Variants in TRAPPC9 observed in about 807,000 individuals in gnomAD.
TRAPPC9 encodes IKK2 binding protein.
TRAPPC9 carries 83 observed loss-of-function variants against 124.0 expected under a neutral mutation model. That is an observed-to-expected ratio of 0.67 (90% confidence interval 0.56 to 0.80). The LOEUF is 0.80. Among genes scored for constraint, TRAPPC9 ranks in the 30% least tolerant of loss-of-function variants. TRAPPC9 has a pLI of 0.00. For synonymous variants in TRAPPC9, 638 were observed against 617.5 expected, an observed-to-expected ratio of 1.03 and a Z score of -0.49; for missense variants, 1,302 against 1,508.3, an observed-to-expected ratio of 0.86 and a Z score of 2.27.
At chr8:140,266,923 C>T (rs1288134809) in intron 15 of TRAPPC9, among the ~76,000 whole-genome samples, 2 of 152,142 alleles carry the variant, frequency 1.3e-5, no homozygotes, top group African/African-American at 2.4e-5. Flanking sequence ...GGGACACACT[C>T]ACCCCATAAA....
chr8:140,308,325 C>T (rs911629436), intron 10 of TRAPPC9, among the ~76,000 whole-genome samples: 2 of 149,978 alleles, frequency 1.3e-5, no homozygotes, highest in African/African-American at 4.9e-5. Context: ...CGGTGGGGAG[C>T]AGAGTAGGCT....
intron 17 of TRAPPC9, among the ~76,000 whole-genome samples, chr8:140,081,200 C>CA (rs1350073287): frequency 1.3e-5 from 2 of 152,220 alleles, no homozygotes; most frequent in African/African-American, 4.8e-5. Context: ...CTGCTCCTCA[C>CA]AGTCCACTAC....
At chr8:140,273,648 C>CATCT (rs2065028961) in intron 15 of TRAPPC9, among the ~76,000 whole-genome samples, 1 of 152,152 alleles carries the variant, frequency 6.6e-6, no homozygotes, top group Non-Finnish European at 1.5e-5. Context: ...CTGCTCCAGG[C>CATCT]ATCTGCCCAG....
At chr8:139,995,584 C>T (rs1338204731) in intron 18 of TRAPPC9, among the ~76,000 whole-genome samples, 6 of 152,100 alleles carry the variant, frequency 3.9e-5, no homozygotes, top group Admixed American at 6.5e-5. Flanking sequence ...TCATATCCTG[C>T]CTTTGTAGCA....
At position 140,221,533 on chromosome 8, in the gene TRAPPC9, C is replaced by A; in HGVS notation, c.2482G>T (p.Val828Phe). 6.2e-7 allele frequency: 1 copy of A among 1,614,134 alleles called. No homozygotes were observed. Among genetic ancestry groups the A allele is most frequent in the Non-Finnish European group, 8.5e-7 (1 of 1,180,000 alleles). ...FPLSSPFRQV[V>F]RPRVEGKPVN... ...GGTTTGCCCTCCACTCGGGGCCGAACGACCTGCCGAAAAGGACTGGACAGG... is the reference window on the plus strand; with the variant it reads ...GGTTTGCCCTCCACTCGGGGCCGAAAGACCTGCCGAAAAGGACTGGACAGG... The change falls in exon 17 of 23, where the codon GTT (valine) becomes TTT (phenylalanine). Residue 828 changes from valine (V) to phenylalanine (F), a missense_variant. Physicochemically the swap from Val to Phe is conservative, Grantham distance 50 (BLOSUM62 -1). Transcript: ENST00000438773.
At chr8:140,368,937 T>A (rs1325334079) in intron 8 of TRAPPC9, among the ~76,000 whole-genome samples, 2 of 152,182 alleles carry the variant, frequency 1.3e-5, no homozygotes, top group African/African-American at 4.8e-5. Context: ...CAGCCAGGGA[T>A]TTCGCAAAGT....
At chr8:139,819,882 G>C (rs1035460005) in intron 21 of TRAPPC9, among the ~76,000 whole-genome samples, 2 of 151,672 alleles carry the variant, frequency 1.3e-5, no homozygotes, top group Non-Finnish European at 2.9e-5. Flanking sequence ...GCATGGTGGC[G>C]TGCGCCTATA....
rs185297788 is a variant in TRAPPC9 at position 140,438,889 on chromosome 8, A to G, written c.730+163T>C. 2.5e-3 allele frequency among the ~76,000 whole-genome samples: 375 copies of G among 152,222 alleles called. 4 individuals carry two copies. The highest frequency in any genetic ancestry group is 8.8e-3 in the African/African-American group (364 of 41,540). On this transcript the variant is annotated intron_variant, in intron 3 of 22. Transcript: ENST00000438773. ...GTATTTTTAGTAGAGACGTGGTTTC[A>G]CCATGTTGGCCAGGATGGTCTCAAT...
rs138819153 is a variant in TRAPPC9, at chr8:140,300,595, G to T, written c.1642C>A (p.Leu548Ile). ...TTGTGTGGCCGGAGGCTAGCAGGAAGGTTCAATAGTTTCACATGCCTGTTG... is the reference window on the plus strand; with the variant it reads ...TTGTGTGGCCGGAGGCTAGCAGGAATGTTCAATAGTTTCACATGCCTGTTG... ...PIVRHVKLLN[L>I]PASLRPHKMK... The change falls in exon 11 of 23, where the codon CTT becomes ATT. Residue 548 changes from leucine to isoleucine, a missense_variant. Coordinates refer to ENST00000438773, the MANE Select transcript of TRAPPC9 (RefSeq NM_001160372.4). 14 of 1,614,192 alleles carry T rather than the reference G, an allele frequency of 8.7e-6. No individual in the cohort carries two copies. The highest frequency in any genetic ancestry group is 8.0e-5 in the African/African-American group (6 of 75,046).
At chr8:139,870,470 G>A (rs1180745825) in intron 21 of TRAPPC9, among the ~76,000 whole-genome samples, 1 of 152,106 alleles carries the variant, frequency 6.6e-6, no homozygotes, top group Non-Finnish European at 1.5e-5. Flanking sequence ...TATTTCACGA[G>A]GATATTTGTT....
chr8:140,238,187 T>C (rs2063767986), intron 16 of TRAPPC9, among the ~76,000 whole-genome samples: 1 of 152,230 alleles, frequency 6.6e-6, no homozygotes, highest in Non-Finnish European at 1.5e-5. Flanking sequence ...CTGCCTGCAA[T>C]GGGGATCACC....
At chr8:140,415,496 A>C (rs2069888756) in intron 5 of TRAPPC9, among the ~76,000 whole-genome samples, 1 of 150,540 alleles carries the variant, frequency 6.6e-6, no homozygotes, top group African/African-American at 2.4e-5. Context: ...TGGAGGTTGC[A>C]AGTGAGCCGA....
rs116117210 is a variant in TRAPPC9 at position 140,138,689 on chromosome 8, C to T, written c.2556+82770G>A. 7.9e-4 allele frequency among the ~76,000 whole-genome samples: 120 copies of T among 152,290 alleles called. 2 individuals are homozygous for T. Among genetic ancestry groups the T allele is most frequent in the African/African-American group, 2.8e-3 (116 of 41,558 alleles). ...GTAAGCGCATTCTGCCTTGTCCACTCGCAGTATAAACCAGCAGAGATACAC... is the reference window on the plus strand; with the variant it reads ...GTAAGCGCATTCTGCCTTGTCCACTTGCAGTATAAACCAGCAGAGATACAC... On this transcript the variant is annotated intron_variant, in intron 17 of 22. Coordinates refer to ENST00000438773, the MANE Select transcript of TRAPPC9 (RefSeq NM_001160372.4).
chr8:139,836,829 C>T (rs1421820663), intron 21 of TRAPPC9, among the ~76,000 whole-genome samples: 3 of 152,098 alleles, frequency 2.0e-5, no homozygotes, highest in African/African-American at 4.8e-5. Context: ...TATAAACCCT[C>T]GATGTTTGCC....
At chr8:139,999,277 T>A (rs573841877) in intron 18 of TRAPPC9, among the ~76,000 whole-genome samples, 1 of 151,858 alleles carries the variant, frequency 6.6e-6, no homozygotes, top group East Asian at 1.9e-4. Flanking sequence ...AGTAAAAGAA[T>A]CATGCCAAGA....
At chr8:140,100,235 A>C (rs2060551757) in intron 17 of TRAPPC9, 1 of 151,030 alleles carries the variant, frequency 6.6e-6, no homozygotes, top group African/African-American at 2.4e-5. Flanking sequence ...AGTCCTCCGC[A>C]GCCTTCCGCA....
At chr8:139,867,427 CTGATGAAGAATCGGATATCCA>C (rs1828617505) in intron 21 of TRAPPC9, among the ~76,000 whole-genome samples, 2 of 152,298 alleles carry the variant, frequency 1.3e-5, no homozygotes, top group Admixed American at 6.5e-5. Context: ...ATTTAAAGGT[CTGATGAAGAATCGGATATCCA>C]TGATGAGGAA....
At chr8:140,323,603 TC>T (rs1255904774) in intron 9 of TRAPPC9, among the ~76,000 whole-genome samples, 2 of 152,098 alleles carry the variant, frequency 1.3e-5, no homozygotes, top group Non-Finnish European at 2.9e-5. Flanking sequence ...GGGGAAGAAA[TC>T]CTTAAACACA....
intron 15 of TRAPPC9, among the ~76,000 whole-genome samples, chr8:140,253,289 CT>C (rs2064171364): frequency 6.6e-6 from 1 of 152,150 alleles, no homozygotes; most frequent in African/African-American, 2.4e-5. Context: ...TGAATATTTT[CT>C]GTATTATATC....
Sources: gnomAD v4.1 joint callset for allele counts (sites outside exome capture counted in the v4.1 genomes callset) on GRCh38, gnomAD v4.1.1 for gene constraint, MANE v1.5 for transcripts, NCBI Gene and HGNC (gene_info 2026-07-23, HGNC 2026-07-21) for gene names.